The following CEACAM3 variants were observed in gnomAD, a reference collection of about 807,000 sequenced individuals.
CEACAM3 encodes the protein CEA cell adhesion molecule 3.
CEACAM3 carries 32 observed loss-of-function variants against 30.1 expected under a neutral mutation model. That is an observed-to-expected ratio of 1.06 (90% CI 0.80 to 1.43). CEACAM3 has a LOEUF of 1.43. Among genes scored for constraint, CEACAM3 ranks in the 40% most tolerant of loss-of-function variants. CEACAM3 has a pLI of 0.00. For synonymous variants in CEACAM3, 134 were observed against 127.2 expected (o/e 1.05, Z -0.36); for missense variants, 290 against 316.3 (o/e 0.92, Z 0.63).
chr19:41,808,111 C>A (rs1555827066), intron 2 of CEACAM3, among the ~76,000 whole-genome samples: 1 of 152,164 alleles, frequency 6.6e-6, no homozygotes, highest in Non-Finnish European at 1.5e-5. Context: ...GTTTATTTCC[C>A]AGCCCATGTC....
intron 2 of CEACAM3, among the ~76,000 whole-genome samples, chr19:41,805,481 G>T (rs567893156): frequency 6.6e-6 from 1 of 151,598 alleles, no homozygotes; most frequent in Non-Finnish European, 1.5e-5. Flanking sequence ...TAGAGACGGG[G>T]TTTCACCATG....
chr19:41,800,497 C>G (rs1275520677), intron 2 of CEACAM3, among the ~76,000 whole-genome samples: 1 of 152,164 alleles, frequency 6.6e-6, no homozygotes, highest in African/African-American at 2.4e-5. Context: ...CAGGTCCACT[C>G]GCAGTTATCC....
chr19:41,797,746 T>C lies in CEACAM3; in HGVS notation c.222T>C (p.Asp74=). The part of the protein sequence containing the change: ...GYSWYKGERV[D]GNSLIVGYVI... ...GCTGGTACAAAGGGGAAAGAGTGGA[T>C]GGCAACAGTCTAATTGTAGGATATG... Residue 74 remains aspartate (D), a synonymous_variant, in exon 2 of 7, where the codon GAT becomes GAC. Coordinates refer to ENST00000357396, the MANE Select transcript of CEACAM3 (RefSeq NM_001815.5). 2.5e-6 allele frequency: 4 copies of C among 1,613,622 alleles called. No individual in the cohort carries two copies. The highest frequency in any genetic ancestry group is 2.5e-6 in the Non-Finnish European group (3 of 1,180,012).
intron 2 of CEACAM3, among the ~76,000 whole-genome samples, chr19:41,803,506 C>T (rs1212495592): frequency 6.7e-6 from 1 of 148,520 alleles, no homozygotes; most frequent in Non-Finnish European, 1.5e-5. Flanking sequence ...TCGCTCTGTA[C>T]CCCAGGCTGG....
At chr19:41,800,418 C>T (rs1555825870) in intron 2 of CEACAM3, among the ~76,000 whole-genome samples, 1 of 152,098 alleles carries the variant, frequency 6.6e-6, no homozygotes, top group Non-Finnish European at 1.5e-5. Context: ...GAAAGGGAGT[C>T]TCCCTTTCCC....
chr19:41,808,737 C>A, intron 2 of CEACAM3, 76 bp from the exon 3 acceptor site: 1 of 1,183,284 alleles, frequency 8.5e-7, no homozygotes, highest in Non-Finnish European at 1.2e-6. Context: ...GACTGCACAC[C>A]TTCCCTGCAA....
chr19:41,810,376 C>T (rs980157132), intron 5 of CEACAM3, 22 bp downstream of exon 5: 3 of 1,592,646 alleles, frequency 1.9e-6, no homozygotes, highest in Middle Eastern at 1.6e-4. Context: ...CCCTTCCAGC[C>T]CCTTTCTACT....
At chr19:41,808,355 G>C (rs1364641753) in intron 2 of CEACAM3, among the ~76,000 whole-genome samples, 1 of 152,188 alleles carries the variant, frequency 6.6e-6, no homozygotes, top group Non-Finnish European at 1.5e-5. Context: ...CTCCCTCAAG[G>C]TGATGTAAGG....
At chr19:41,799,231 A>G (rs2073127873) in intron 2 of CEACAM3, among the ~76,000 whole-genome samples, 1 of 152,160 alleles carries the variant, frequency 6.6e-6, no homozygotes, top group Admixed American at 6.5e-5. Flanking sequence ...GTTTCTCATG[A>G]GTGGCTCAGC....
At position 41,810,644 on chromosome 19, in the gene CEACAM3, T is replaced by C. The variant is rs538084735; in HGVS notation, c.628-188T>C. On this transcript the variant is annotated intron_variant, in intron 5 of 6. Transcript: ENST00000357396. ...AGTCAGGGGCCCACATTAACAAGGG[T>C]GCAGGGTGGGCCCAGCCAGGAAAAG... 1.2e-3 allele frequency among the ~76,000 whole-genome samples: 184 copies of C among 152,076 alleles called. 1 individual carries two copies. Among genetic ancestry groups the C allele is most frequent in the Non-Finnish European group, 5.7e-4 (39 of 67,956 alleles).
At chr19:41,802,070 G>C (rs1031246037) in intron 2 of CEACAM3, among the ~76,000 whole-genome samples, 3 of 152,212 alleles carry the variant, frequency 2.0e-5, no homozygotes, top group Non-Finnish European at 2.9e-5. Context: ...CTAGAAGCCA[G>C]ATGAAGTCAG....
intron 1 of CEACAM3, chr19:41,797,090 A>C: frequency 3.8e-6 from 1 of 260,910 alleles, no homozygotes; most frequent in Non-Finnish European, 7.3e-6. Flanking sequence ...AATAACCACC[A>C]CTCCTTAACT....
chr19:41,810,931 G>A, intron 6 of CEACAM3, 34 bp downstream of exon 6: 1 of 1,581,336 alleles, frequency 6.3e-7, no homozygotes, highest in South Asian at 1.1e-5. Context: ...TGGTCCCACA[G>A]GCCCCAGGGG....
intron 2 of CEACAM3, 156 bp downstream of exon 2, chr19:41,798,104 T>A: frequency 7.8e-7 from 1 of 1,277,324 alleles, no homozygotes. Flanking sequence ...GGAGACAAAC[T>A]TCCACAGATC....
intron 2 of CEACAM3, among the ~76,000 whole-genome samples, chr19:41,801,969 A>G (rs1555826047): frequency 1.3e-5 from 2 of 152,158 alleles, no homozygotes; most frequent in Non-Finnish European, 2.9e-5. Flanking sequence ...GACTATAATC[A>G]TCCTTGCTTC....
chr19:41,810,953 T>G (rs2073245388), intron 6 of CEACAM3, 56 bp downstream of exon 6: 12 of 1,500,194 alleles, frequency 8.0e-6, no homozygotes, highest in Non-Finnish European at 1.1e-5. Context: ...CCCAGGATCT[T>G]CCCCTACTGG....
At position 41,797,713 on chromosome 19, in the gene CEACAM3, TG is replaced by T. The variant is rs1568737586; in HGVS notation, c.191del (p.Gly64AlafsTer15). ...TCCACAATCTGCCCCAGCATCTTTT[TG>T]GCTACAGCTGGTACAAAGGGGAAAG... ...LVHNLPQHLF[G>X]YSWYKGERVD... On this transcript the variant is annotated frameshift_variant, in exon 2 of 7. Transcript: ENST00000357396. LOFTEE classifies it high-confidence loss of function. 1.2e-6 allele frequency: 2 copies of T among 1,614,058 alleles called. No homozygotes were observed. The highest frequency in any genetic ancestry group is 3.3e-5 in the Admixed American group (2 of 60,024).
chr19:41,798,918 G>A (rs1397248429), intron 2 of CEACAM3, among the ~76,000 whole-genome samples: 1 of 152,186 alleles, frequency 6.6e-6, no homozygotes. Context: ...AGTCAAAGGT[G>A]TCAGATTAGA....
At chr19:41,799,741 A>G (rs1483372798) in intron 2 of CEACAM3, among the ~76,000 whole-genome samples, 2 of 152,156 alleles carry the variant, frequency 1.3e-5, no homozygotes, top group Admixed American at 1.3e-4. Context: ...ACACACACTC[A>G]GTAGTTCTCT....
Sources: allele counts gnomAD v4.1 joint callset (sites outside exome capture counted in the v4.1 genomes callset), GRCh38; gene constraint gnomAD v4.1.1; transcripts MANE v1.5; gene names NCBI Gene and HGNC (gene_info 2026-07-23, HGNC 2026-07-21).